Variants in TRPS1 observed in about 807,000 individuals in gnomAD.
The protein encoded by TRPS1 is zinc finger transcription factor Trps1.
In TRPS1, 6 loss-of-function variants were observed where a neutral mutation model predicts 101.2. The ratio of observed to expected loss-of-function variants is 0.06; its 90% CI spans 0.03 to 0.12. TRPS1 has a LOEUF of 0.12. TRPS1 is among the 10% of genes least tolerant of loss of function. The probability of loss-of-function intolerance (pLI) is 1.00; values close to 1 mark genes in which losing one functional copy is unlikely to be tolerated. For missense variants in TRPS1, 1,363 were observed against 1,567.0 expected, an observed-to-expected ratio of 0.87 and a Z score of 2.20; for synonymous variants, 578 against 589.8, an observed-to-expected ratio of 0.98 and a Z score of 0.29.
chr8:115,439,754 A>G (rs1284880519), intron 5 of TRPS1, among the ~76,000 whole-genome samples: 1 of 152,096 alleles, frequency 6.6e-6, no homozygotes, highest in Non-Finnish European at 1.5e-5. Context: ...CAAGAACATC[A>G]CCCTAACTTC....
At chr8:115,530,159 C>T (rs1816095941) in intron 5 of TRPS1, among the ~76,000 whole-genome samples, 1 of 151,984 alleles carries the variant, frequency 6.6e-6, no homozygotes, top group South Asian at 2.1e-4. Flanking sequence ...TCTTTGAAGG[C>T]CTGACTTTTA....
chr8:115,562,586 C>A (rs1055220449), intron 5 of TRPS1, among the ~76,000 whole-genome samples: 13 of 149,570 alleles, frequency 8.7e-5, no homozygotes, highest in Admixed American at 1.3e-4. Context: ...ATTTTAGTAA[C>A]ATGATTTGTT....
At chr8:115,563,196 A>G (rs922764459) in intron 5 of TRPS1, among the ~76,000 whole-genome samples, 9 of 152,072 alleles carry the variant, frequency 5.9e-5, no homozygotes, top group Non-Finnish European at 1.2e-4. Flanking sequence ...AAGTCCTTTT[A>G]AGGTAGACAG....
chr8:115,649,002 C>A (rs912921167), intron 1 of TRPS1, among the ~76,000 whole-genome samples: 2 of 152,144 alleles, frequency 1.3e-5, no homozygotes, highest in East Asian at 3.9e-4. Flanking sequence ...CCCTGTCATT[C>A]AACAACTTCC....
chr8:115,561,691 A>T (rs1816950147), intron 5 of TRPS1, among the ~76,000 whole-genome samples: 1 of 151,894 alleles, frequency 6.6e-6, no homozygotes, highest in Non-Finnish European at 1.5e-5. Context: ...CTCAGTGTGC[A>T]TCGTCAAGCT....
chr8:115,474,925 G>GA (rs1257914267), intron 5 of TRPS1, among the ~76,000 whole-genome samples: 11 of 151,734 alleles, frequency 7.2e-5, no homozygotes, highest in Non-Finnish European at 1.5e-5. Context: ...TAAGAAAAGA[G>GA]AAAAAAATTA....
intron 6 of TRPS1, among the ~76,000 whole-genome samples, chr8:115,417,234 G>T (rs1563716163): frequency 6.6e-6 from 1 of 152,082 alleles, no homozygotes; most frequent in East Asian, 1.9e-4. Flanking sequence ...AATGGTGAAG[G>T]TTAAAAAAAA....
At chr8:115,450,739 T>A (rs1296372271) in intron 5 of TRPS1, among the ~76,000 whole-genome samples, 2 of 152,180 alleles carry the variant, frequency 1.3e-5, no homozygotes, top group Non-Finnish European at 2.9e-5. Flanking sequence ...GAAAAGTGGT[T>A]CCACACACAT....
chr8:115,492,088 GA>G (rs1175139918), intron 5 of TRPS1: 6 of 421,996 alleles, frequency 1.4e-5, no homozygotes, highest in Non-Finnish European at 2.8e-5. Context: ...ATTTTGAAAA[GA>G]AAAAAAATCT....
chr8:115,434,562 A>G (rs867268546), intron 5 of TRPS1, among the ~76,000 whole-genome samples: 1 of 152,208 alleles, frequency 6.6e-6, no homozygotes, highest in South Asian at 2.1e-4. Flanking sequence ...AGAAAATATA[A>G]TTGAGTTCAT....
chr8:115,603,813 A>G (rs1425813699), intron 4 of TRPS1, 60 bp downstream of exon 4: 94 of 1,590,720 alleles, frequency 5.9e-5, no homozygotes, highest in Non-Finnish European at 7.7e-5. Flanking sequence ...CCCTCTTTCT[A>G]TGGATTTTTT....
chr8:115,452,716 A>T (rs1813907323), intron 5 of TRPS1, among the ~76,000 whole-genome samples: 1 of 152,226 alleles, frequency 6.6e-6, no homozygotes. Flanking sequence ...CTGTAAAATT[A>T]GGCAGTCACC....
intron 5 of TRPS1, among the ~76,000 whole-genome samples, chr8:115,555,833 T>C (rs1457402311): frequency 6.7e-6 from 1 of 148,764 alleles, no homozygotes; most frequent in African/African-American, 2.5e-5. Context: ...TAAAATCTCG[T>C]CTCTACAAAA....
At position 115,648,197 on chromosome 8, in the gene TRPS1, C is replaced by CA. The variant is rs1425022594; in HGVS notation, c.-122+20347dup. Among the ~76,000 whole-genome samples, 3 of 152,020 alleles carry CA rather than the reference C, an allele frequency of 2.0e-5. No homozygotes were observed. The East Asian group carries it at 5.8e-4, about 29-fold the overall frequency. On this transcript the variant is annotated intron_variant, in intron 1 of 6. Coordinates refer to ENST00000395715, the MANE Select transcript of TRPS1 (RefSeq NM_014112.5). ...GAAGTGGGGAGAAGGGCAGGCTGGC[C>CA]AGGGGATGCGACGCGACAGGGCAGA...
rs146094501 is a variant in TRPS1 at position 115,503,764 on chromosome 8, T to G, written c.2700+83237A>C. Among the ~76,000 whole-genome samples the G allele has an allele frequency of 1.3e-4, 20 of 152,322 alleles. No individual in the cohort carries two copies. The East Asian group carries it at 3.9e-3, about 29-fold the overall frequency. On this transcript the variant is annotated intron_variant, in intron 5 of 6. Transcript: ENST00000395715. ...TGCAATACACATTTTGTCATCATCT[T>G]GATTGATCCTGGAGTTATTTATGAG...
At chr8:115,485,455 T>G (rs1465480519) in intron 5 of TRPS1, among the ~76,000 whole-genome samples, 1 of 152,220 alleles carries the variant, frequency 6.6e-6, no homozygotes, top group Admixed American at 6.5e-5. Context: ...AACTGTGAGA[T>G]AATTAATTTG....
chr8:115,551,790 A>G (rs2130341841), intron 5 of TRPS1, among the ~76,000 whole-genome samples: 1 of 152,336 alleles, frequency 6.6e-6, no homozygotes, highest in Non-Finnish European at 1.5e-5. Context: ...TCAAAGGCGG[A>G]AGTAAAATGC....
chr8:115,640,452 G>A (rs1284941169), intron 1 of TRPS1, among the ~76,000 whole-genome samples: 1 of 152,158 alleles, frequency 6.6e-6, no homozygotes, highest in Non-Finnish European at 1.5e-5. Context: ...AGAAGTCTTT[G>A]CAACGACAAA....
chr8:115,458,965 T>C (rs896434480), intron 5 of TRPS1, among the ~76,000 whole-genome samples: 1 of 152,260 alleles, frequency 6.6e-6, no homozygotes, highest in African/African-American at 2.4e-5. Context: ...ATAGCTATTT[T>C]GTCTTTCCAA....
Sources: gnomAD v4.1 joint callset for allele counts (sites outside exome capture counted in the v4.1 genomes callset) on GRCh38, gnomAD v4.1.1 for gene constraint, MANE v1.5 for transcripts, NCBI Gene and HGNC (gene_info 2026-07-23, HGNC 2026-07-21) for gene names.